The following CACNA1A variants were observed in gnomAD, a reference collection of about 807,000 sequenced individuals.
CACNA1A encodes calcium voltage-gated channel subunit alpha1 A.
CACNA1A carries 57 observed loss-of-function variants against 262.4 expected under a neutral mutation model. The observed-to-expected ratio is 0.22, with a 90% CI of 0.18 to 0.27. The LOEUF (loss-of-function observed/expected upper bound fraction) is 0.27, where lower values mean the gene tolerates loss of function less well. Among genes scored for constraint, CACNA1A ranks in the 10% least tolerant of loss-of-function variants. The pLI is 1.00. For synonymous variants in CACNA1A, 1,431 were observed against 1,419.3 expected (o/e 1.01, Z -0.18); for missense variants, 2,526 against 3,562.8 (o/e 0.71, Z 7.41).
intron 38 of CACNA1A, among the ~76,000 whole-genome samples, chr19:13,220,544 C>T (rs1285672349): frequency 6.6e-6 from 1 of 152,214 alleles, no homozygotes; most frequent in East Asian, 1.9e-4. Context: ...CCAGATCCTC[C>T]AGAGAGGAGC....
chr19:13,393,005 G>A (rs2059737131), intron 3 of CACNA1A, among the ~76,000 whole-genome samples: 1 of 152,182 alleles, frequency 6.6e-6, no homozygotes, highest in Non-Finnish European at 1.5e-5. Flanking sequence ...CTGAGCTCAA[G>A]TGATTTGCCC....
At chr19:13,240,771 C>T (rs967458617) in intron 31 of CACNA1A, among the ~76,000 whole-genome samples, 6 of 146,108 alleles carry the variant, frequency 4.1e-5, no homozygotes, top group African/African-American at 1.3e-4. Flanking sequence ...ACTGTGTGCA[C>T]AGTGTGTGCG....
rs1349415232 is a variant in CACNA1A at position 13,506,145 on chromosome 19, C to A, written c.80G>T (p.Ser27Ile). 1.3e-6 allele frequency: 2 copies of A among 1,579,898 alleles called. No individual in the cohort carries two copies. The highest frequency in any genetic ancestry group is 1.8e-5 in the Admixed American group (1 of 54,808). Residue 27 changes from serine to isoleucine, a missense_variant, in exon 1 of 47, where the codon AGC (serine) becomes ATC (isoleucine). Transcript: ENST00000360228. ...GCCCCCGGCTCCTCGCCCGCCTCCG[C>A]TGCCCACGACCACCCCGGCGGCTGC... ...SGAAAGVVVG[S>I]GGGRGAGGSR...
chr19:13,263,477 T>G (rs1426913070), intron 24 of CACNA1A: 3 of 151,180 alleles, frequency 2.0e-5, no homozygotes, highest in African/African-American at 4.9e-5. Flanking sequence ...TCACAGCTAT[T>G]TTCAAAAAAG....
rs570975974 is a variant in CACNA1A at position 13,499,606 on chromosome 19, C to A, written c.293+6326G>T. Among the ~76,000 whole-genome samples, 323 of 152,234 alleles carry A rather than the reference C, an allele frequency of 2.1e-3. 1 individual carries two copies. Among genetic ancestry groups the A allele is most frequent in the Middle Eastern group, 6.8e-3 (2 of 294 alleles). On this transcript the variant is annotated intron_variant, in intron 1 of 46. Coordinates refer to ENST00000360228, the MANE Select transcript of CACNA1A (RefSeq NM_001127222.2). ...TGGAGACTGTGCTGGCCATTTTTCACGCACGACCCCATTTAATCTCCTGAG... is the reference window on the plus strand; with the variant it reads ...TGGAGACTGTGCTGGCCATTTTTCAAGCACGACCCCATTTAATCTCCTGAG...
rs144146244 is a variant in CACNA1A, at chr19:13,391,137, G to A, written c.540-19358C>T. ...CCTGACCTCGTGATTCGCCTGCCTC[G>A]GCCTCCCAAAGTGCTGGGATTACAG... On this transcript the variant is annotated intron_variant, in intron 3 of 46. Transcript: ENST00000360228. 2.0e-3 allele frequency among the ~76,000 whole-genome samples: 308 copies of A among 152,104 alleles called. 2 individuals are homozygous for A. The highest frequency in any genetic ancestry group is 0.01 in the Middle Eastern group (3 of 294).
intron 6 of CACNA1A, among the ~76,000 whole-genome samples, chr19:13,337,773 A>G (rs780851678): frequency 3.9e-5 from 6 of 152,216 alleles, no homozygotes; most frequent in African/African-American, 1.2e-4. Flanking sequence ...TTGTGCAAAC[A>G]TCATGGAGTG....
chr19:13,413,100 G>GTTTTTTTTTTT (rs143741127), intron 3 of CACNA1A, among the ~76,000 whole-genome samples: 1 of 114,774 alleles, frequency 8.7e-6, no homozygotes, highest in Non-Finnish European at 1.6e-5. Context: ...AAAGTTTTTT[G>GTTTTTTTTTTT]TTTTTTTTTT....
chr19:13,400,431 C>T (rs1473573609), intron 3 of CACNA1A, among the ~76,000 whole-genome samples: 1 of 152,114 alleles, frequency 6.6e-6, no homozygotes, highest in African/African-American at 2.4e-5. Context: ...CAGTCCTTGT[C>T]AATTTTTAAC....
intron 38 of CACNA1A, among the ~76,000 whole-genome samples, chr19:13,223,683 G>C (rs78274743): frequency 1.3e-5 from 2 of 152,092 alleles, no homozygotes; most frequent in African/African-American, 4.8e-5. Context: ...TCAATGCCCC[G>C]GGTGTCCTGT....
intron 46 of CACNA1A, 70 bp from the exon 47 acceptor site, chr19:13,208,123 G>A (rs1419838779): frequency 8.9e-6 from 10 of 1,127,596 alleles, no homozygotes; most frequent in Non-Finnish European, 9.9e-6. Context: ...CACGGGATTG[G>A]GAGGAAGAGA....
chr19:13,206,448 T>TCAA lies in CACNA1A; in HGVS notation c.*862_*864dup, dbSNP rs2054571768. 6.6e-6 allele frequency: 1 copy of TCAA among 152,174 alleles called. No individual in the cohort carries two copies. The highest frequency in any genetic ancestry group is 2.1e-4 in the South Asian group (1 of 4,832). The allele number at this position is 152,174 out of a possible 1,614,324, so 9.4% of individuals were successfully genotyped here. On this transcript the variant is annotated 3_prime_UTR_variant, in exon 47 of 47. Coordinates refer to ENST00000360228, the MANE Select transcript of CACNA1A (RefSeq NM_001127222.2). The stretch of plus-strand genomic sequence containing the variant: ...CACTCCTATCCAAAAGCCCTTTGAT[T>TCAA]CAACTTTTTTTTATTTTTTTTTTCT...
At chr19:13,350,771 G>A (rs372579276) in intron 6 of CACNA1A, among the ~76,000 whole-genome samples, 1 of 152,140 alleles carries the variant, frequency 6.6e-6, no homozygotes. Flanking sequence ...CTGGAGGCTG[G>A]GGTGGGAGGA....
chr19:13,261,787 T>G, intron 25 of CACNA1A, 177 bp from the exon 26 acceptor site: 18 of 597,934 alleles, frequency 3.0e-5, no homozygotes, highest in East Asian at 5.7e-5. Context: ...TTGGAGGAGT[T>G]GGACTCAATC....
intron 4 of CACNA1A, among the ~76,000 whole-genome samples, chr19:13,370,290 G>A (rs937126784): frequency 6.6e-6 from 1 of 151,896 alleles, no homozygotes; most frequent in East Asian, 1.9e-4. Context: ...TAGTAGAGAC[G>A]GGGTTTCCCC....
At chr19:13,446,826 G>C (rs1243060666) in intron 3 of CACNA1A, among the ~76,000 whole-genome samples, 2 of 151,732 alleles carry the variant, frequency 1.3e-5, no homozygotes, top group East Asian at 3.9e-4. Context: ...CTTGGGCTCA[G>C]GGAATCCTCC....
chr19:13,267,146 GAA>G, intron 24 of CACNA1A, among the ~76,000 whole-genome samples: 1 of 152,120 alleles, frequency 6.6e-6, no homozygotes, highest in Admixed American at 6.5e-5. Context: ...GAGAGAGAGA[GAA>G]AGAGAGAGAG....
intron 3 of CACNA1A, among the ~76,000 whole-genome samples, chr19:13,405,131 A>T (rs74624075): frequency 0.04 from 6,030 of 152,010 alleles, 228 homozygotes; most frequent in South Asian, 0.094. Flanking sequence ...CCTGACCTCA[A>T]GTGATCTGCC....
At chr19:13,324,445 TCCCCACAC>T (rs1305608313) in intron 10 of CACNA1A, among the ~76,000 whole-genome samples, 3 of 152,150 alleles carry the variant, frequency 2.0e-5, no homozygotes, top group Non-Finnish European at 2.9e-5. Context: ...TTTAATGCCT[TCCCCACAC>T]ACAAAAAACG....
Sources: gnomAD v4.1 joint callset for allele counts (sites outside exome capture counted in the v4.1 genomes callset) on GRCh38, gnomAD v4.1.1 for gene constraint, MANE v1.5 for transcripts, NCBI Gene and HGNC (gene_info 2026-07-23, HGNC 2026-07-21) for gene names.